Variants in PI4KA observed in about 807,000 individuals in gnomAD.
PI4KA encodes PI4-kinase alpha.
A neutral mutation model predicts 271.4 loss-of-function variants in PI4KA; 122 were observed. The observed-to-expected ratio is 0.45, with a 90% CI of 0.39 to 0.52. The LOEUF (loss-of-function observed/expected upper bound fraction) is 0.52, where lower values mean the gene tolerates loss of function less well. Among genes scored for constraint, PI4KA ranks in the 20% least tolerant of loss-of-function variants. The pLI, the probability that PI4KA is intolerant of heterozygous loss-of-function variation, is 0.00. For synonymous variants in PI4KA, 1,041 were observed against 1,078.8 expected (o/e 0.96, Z 0.69); for missense variants, 1,969 against 2,769.1 (o/e 0.71, Z 6.48).
chr22:20,716,808 C>T (rs1224641640), intron 45 of PI4KA, among the ~76,000 whole-genome samples: 1 of 152,176 alleles, frequency 6.6e-6, no homozygotes, highest in African/African-American at 2.4e-5. Flanking sequence ...TCTGGGAAGC[C>T]GTGCTGTTGT....
intron 3 of PI4KA, among the ~76,000 whole-genome samples, chr22:20,828,643 C>T (rs1923756022): frequency 1.3e-5 from 2 of 151,946 alleles, no homozygotes; most frequent in Non-Finnish European, 2.9e-5. Flanking sequence ...CAACCTCTGC[C>T]TCCCGGGTTC....
At position 20,753,187 on chromosome 22, in the gene PI4KA, C is replaced by T. The variant is rs765258012; in HGVS notation, c.2792-7G>A. ...ATCACACACTGCATCATCCCTGAAA[C>T]GAGAAGGTTTCCATGGATAAGGTGC... On this transcript the variant is annotated splice_polypyrimidine_tract_variant and splice_region_variant and intron_variant, in intron 23 of 54. Transcript: ENST00000255882. The T allele has an allele frequency of 6.2e-6, 10 of 1,611,740 alleles. No individual in the cohort carries two copies. In the East Asian group the frequency reaches 6.7e-5, roughly 11 times the overall value.
chr22:20,725,536 G>A (rs1319973561), intron 42 of PI4KA: 1 of 450,698 alleles, frequency 2.2e-6, no homozygotes. Context: ...CTTATAAGGG[G>A]AGATTAGGAC....
At chr22:20,841,193 T>C (rs1410700809) in intron 1 of PI4KA, among the ~76,000 whole-genome samples, 1 of 152,056 alleles carries the variant, frequency 6.6e-6, no homozygotes, top group African/African-American at 2.4e-5. Flanking sequence ...AAGGCTTTCT[T>C]TTTTACATAA....
chr22:20,831,949 C>A (rs1312673255), intron 3 of PI4KA, among the ~76,000 whole-genome samples: 1 of 152,154 alleles, frequency 6.6e-6, no homozygotes, highest in African/African-American at 2.4e-5. Context: ...CCCTATCTTT[C>A]AGGGACACCA....
chr22:20,755,290 G>C (rs565001644), intron 23 of PI4KA, among the ~76,000 whole-genome samples: 1 of 152,096 alleles, frequency 6.6e-6, no homozygotes, highest in African/African-American at 2.4e-5. Flanking sequence ...TGTGTCATTC[G>C]GACAGGCCCC....
chr22:20,718,631 C>A (rs1182796716), intron 44 of PI4KA, 62 bp downstream of exon 44: 10 of 1,583,004 alleles, frequency 6.3e-6, no homozygotes, highest in Admixed American at 3.4e-5. Context: ...CCAGGCAATT[C>A]TGTTAAGCTG....
intron 36 of PI4KA, among the ~76,000 whole-genome samples, chr22:20,731,904 G>A (rs1205103266): frequency 1.3e-5 from 2 of 151,456 alleles, no homozygotes; most frequent in South Asian, 2.1e-4. Flanking sequence ...ATTCCAGCCT[G>A]GGCGACAGAG....
At chr22:20,724,768 G>C (rs1047737655) in intron 42 of PI4KA, among the ~76,000 whole-genome samples, 4 of 152,180 alleles carry the variant, frequency 2.6e-5, no homozygotes, top group African/African-American at 9.6e-5. Context: ...GGAGGCCCTG[G>C]GTACTGGCTC....
intron 53 of PI4KA, among the ~76,000 whole-genome samples, chr22:20,709,685 T>TC (rs1568940570): frequency 1.5e-5 from 1 of 68,418 alleles, no homozygotes. Flanking sequence ...ATCCTTGACA[T>TC]AAAGAGGCCC....
intron 18 of PI4KA, among the ~76,000 whole-genome samples, chr22:20,794,865 C>T (rs889681412): frequency 7.2e-5 from 11 of 152,200 alleles, no homozygotes; most frequent in African/African-American, 1.7e-4. Context: ...AGCACAGTCA[C>T]GCCTGTTCGT....
rs200830990 is a variant in PI4KA, at chr22:20,802,128, T to C, written c.1592-23A>G. ...CAACTGAAAGTAAAAAATTCAAATA[T>C]ATACCTAGTTAGGCCTATCATTTTC... is the stretch of plus-strand genomic sequence containing the variant. On this transcript the variant is annotated intron_variant, in intron 13 of 54. Coordinates refer to ENST00000255882, the MANE Select transcript of PI4KA (RefSeq NM_058004.4). The C allele has an allele frequency of 1.6e-5, 25 of 1,608,234 alleles. No individual in the cohort carries two copies. In the Middle Eastern group the frequency reaches 1.1e-3, roughly 70 times the overall value.
intron 14 of PI4KA, 57 bp from the exon 15 acceptor site, chr22:20,799,823 G>T: frequency 8.5e-7 from 1 of 1,176,072 alleles, no homozygotes; most frequent in Non-Finnish European, 1.2e-6. Context: ...TAGGTTTTTT[G>T]TTTTTTAATT....
At chr22:20,728,012 A>G in intron 39 of PI4KA, 148 bp from the exon 40 acceptor site, 2 of 571,110 alleles carry the variant, frequency 3.5e-6, no homozygotes, top group Admixed American at 3.5e-5. Context: ...AAACAAATAG[A>G]AAGAATGAAG....
At chr22:20,759,865 A>C (rs956488644) in intron 23 of PI4KA, among the ~76,000 whole-genome samples, 27 of 151,788 alleles carry the variant, frequency 1.8e-4, no homozygotes, top group Non-Finnish European at 1.5e-4. Context: ...GCACCCAGCC[A>C]ATTTTTTTAT....
At chr22:20,770,847 G>A (rs1294150023) in intron 19 of PI4KA, among the ~76,000 whole-genome samples, 5 of 152,082 alleles carry the variant, frequency 3.3e-5, no homozygotes, top group South Asian at 4.1e-4. Context: ...ATGAGCCACC[G>A]TGCCTGACCC....
At chr22:20,804,762 G>C (rs575367541) in intron 11 of PI4KA, among the ~76,000 whole-genome samples, 1 of 152,356 alleles carries the variant, frequency 6.6e-6, no homozygotes, top group East Asian at 1.9e-4. Flanking sequence ...CATCCTCCCA[G>C]GTCCAGTGCC....
intron 34 of PI4KA, 86 bp from the exon 35 acceptor site, chr22:20,733,929 G>A: frequency 6.4e-7 from 1 of 1,553,290 alleles, no homozygotes; most frequent in Non-Finnish European, 8.7e-7. Flanking sequence ...TGCCCTTCCA[G>A]GAGCAGCTCA....
At chr22:20,716,895 G>A (rs929035123) in intron 45 of PI4KA, among the ~76,000 whole-genome samples, 3 of 152,200 alleles carry the variant, frequency 2.0e-5, no homozygotes, top group Middle Eastern at 3.2e-3. Flanking sequence ...GAGACCAGCC[G>A]CTGTGAACAT....
Sources: gnomAD v4.1 joint callset for allele counts (sites outside exome capture counted in the v4.1 genomes callset) on GRCh38, gnomAD v4.1.1 for gene constraint, MANE v1.5 for transcripts, NCBI Gene and HGNC (gene_info 2026-07-23, HGNC 2026-07-21) for gene names.